CCT3: variants seen among roughly 807,000 people sequenced by gnomAD.
CCT3 encodes the protein chaperonin containing TCP1 subunit 3, also known as T-complex protein 1 subunit gamma.
In CCT3, 10 loss-of-function variants were observed where a neutral mutation model predicts 65.3. The ratio of observed to expected loss-of-function variants is 0.15; its 90% CI spans 0.09 to 0.26. The LOEUF is 0.26. Among genes scored for constraint, CCT3 ranks in the 10% least tolerant of loss-of-function variants. The pLI, the probability that CCT3 is intolerant of heterozygous loss-of-function variation, is 1.00. For missense variants in CCT3, 626 were observed against 708.7 expected (o/e 0.88, Z 1.33); for synonymous variants, 225 against 242.3 (o/e 0.93, Z 0.66).
intron 2 of CCT3, 103 bp downstream of exon 2, chr1:156,335,724 G>A: frequency 1.1e-6 from 1 of 870,670 alleles, no homozygotes; most frequent in Non-Finnish European, 1.8e-6. Flanking sequence ...CTGCCTATTT[G>A]CCTACTCTAT....
chr1:156,317,833 C>A (rs1161018980), intron 8 of CCT3, among the ~76,000 whole-genome samples: 1 of 151,916 alleles, frequency 6.6e-6, no homozygotes, highest in Non-Finnish European at 1.5e-5. Flanking sequence ...CTCAGCCTCC[C>A]GAGTAGCTGG....
chr1:156,325,015 G>C lies in CCT3; in HGVS notation c.379C>G (p.Arg127Gly). The C allele has an allele frequency of 6.2e-7, 1 of 1,613,544 alleles. No individual in the cohort carries two copies. Among genetic ancestry groups the C allele is most frequent in the South Asian group, 1.1e-5 (1 of 91,056 alleles). ...CTGATCATATCATCCAATGCCTTGC[G>C]GTAAGCACTGATCACCACTGTTGGG... ...MHPTVVISAY[R>G]KALDDMISTL... Residue 127 changes from arginine to glycine, a missense_variant, in exon 6 of 14, where the codon CGC becomes GGC. Transcript: ENST00000295688.
intron 10 of CCT3, 133 bp downstream of exon 10, chr1:156,317,033 G>A: frequency 1.3e-6 from 1 of 742,584 alleles, no homozygotes. Context: ...AAGAGGGCAG[G>A]CAGCTAAGCC....
At chr1:156,327,354 T>C (rs987199311) in intron 5 of CCT3, among the ~76,000 whole-genome samples, 6 of 152,126 alleles carry the variant, frequency 3.9e-5, no homozygotes, top group African/African-American at 7.2e-5. Flanking sequence ...GAAGCTGGAC[T>C]GTACTACTGC....
At chr1:156,318,602 T>C (rs11264471) in intron 8 of CCT3, among the ~76,000 whole-genome samples, 2,768 of 152,248 alleles carry the variant, frequency 0.018, 84 homozygotes, top group African/African-American at 0.063. Context: ...CATGATCGTA[T>C]AAAACAAGCC....
In CCT3 at chr1:156,318,967, A is replaced by C; in HGVS notation, c.660T>G (p.Ile220Met). Residue 220 changes from isoleucine (I) to methionine (M), a missense_variant, in exon 8 of 14, where the codon ATT (isoleucine) becomes ATG (methionine). By Grantham distance (10) the Ile-to-Met change is conservative. Transcript: ENST00000295688. ...EDSCVLRGVM[I>M]NKDVTHPRMR... ...TACGTGGATGGGTCACATCCTTGTT[A>C]ATCATGACTCCACGCAAGACACAGG... The C allele has an allele frequency of 1.2e-6, 2 of 1,614,088 alleles. No homozygotes were observed. Among genetic ancestry groups the C allele is most frequent in the African/African-American group, 1.3e-5 (1 of 75,052 alleles).
rs375892857 is a variant in CCT3, at chr1:156,338,178, C to T, written c.7G>A (p.Gly3Ser). MM[G>S]HRPVLVLSQN... is the part of the protein sequence containing the mutation. The stretch of plus-strand genomic sequence containing the variant: ...CTGAGCACGAGCACTGGACGATGGC[C>T]CATCATGGCGACGCGATGCAGAGCC... The change falls in exon 1 of 14, where the codon GGC becomes AGC. Residue 3 changes from glycine to serine, a missense_variant. Physicochemically the swap from Gly to Ser is moderately conservative, Grantham distance 56. Transcript: ENST00000295688. 1 of 1,588,728 alleles carries T rather than the reference C, an allele frequency of 6.3e-7. No homozygotes were observed. The highest frequency in any genetic ancestry group is 2.3e-5 in the East Asian group (1 of 44,066).
intron 2 of CCT3, chr1:156,335,371 C>T (rs35478936): frequency 0.21 from 38,990 of 181,622 alleles, 4,510 homozygotes; most frequent in Admixed American, 0.32. Flanking sequence ...GTCCTAATTA[C>T]TAGAAGTCCA....
chr1:156,323,951 T>C (rs1002486677), intron 6 of CCT3, among the ~76,000 whole-genome samples: 3 of 151,142 alleles, frequency 2.0e-5, no homozygotes, highest in African/African-American at 7.3e-5. Context: ...TTAGTAGAAA[T>C]GAGGTTTCAC....
chr1:156,314,104 A>AAC (rs1215649044), intron 10 of CCT3, among the ~76,000 whole-genome samples: 6 of 136,804 alleles, frequency 4.4e-5, no homozygotes, highest in Admixed American at 1.5e-4. Context: ...AAAAAAAAAA[A>AAC]GTCAACATTA....
In CCT3 at chr1:156,318,961, C is replaced by G; in HGVS notation, c.666G>C (p.Lys222Asn). 4 of 1,614,072 alleles carry G rather than the reference C, an allele frequency of 2.5e-6. No homozygotes were observed. Among genetic ancestry groups the G allele is most frequent in the Non-Finnish European group, 3.4e-6 (4 of 1,180,010 alleles). ...SCVLRGVMIN[K>N]DVTHPRMRRY... ...GCCGCATACGTGGATGGGTCACATC[C>G]TTGTTAATCATGACTCCACGCAAGA... The change falls in exon 8 of 14, where the codon AAG becomes AAC. Residue 222 changes from lysine (K) to asparagine (N), a missense_variant. Physicochemically the swap from Lys to Asn is moderately conservative, Grantham distance 94. Transcript: ENST00000295688.
At chr1:156,319,115 G>GTTT (rs371602601) in intron 7 of CCT3, 98 bp from the exon 8 acceptor site, 1,189 of 776,790 alleles carry the variant, frequency 1.5e-3, no homozygotes, top group Non-Finnish European at 1.8e-3. Flanking sequence ...AGTGTTTCAG[G>GTTT]TTTTTTTTTT....
chr1:156,334,911 G>T lies in CCT3; in HGVS notation c.101C>A (p.Ala34Glu). The T allele has an allele frequency of 6.2e-7, 1 of 1,613,942 alleles. No homozygotes were observed. Among genetic ancestry groups the T allele is most frequent in the Non-Finnish European group, 8.5e-7 (1 of 1,179,834 alleles). Residue 34 changes from alanine (A) to glutamate (E), a missense_variant, in exon 3 of 14, where the codon GCA becomes GAA. Ala to Glu is a moderately radical substitution (Grantham distance 107). Coordinates refer to ENST00000295688, the MANE Select transcript of CCT3 (RefSeq NM_005998.5). ...SGNINAAKTI[A>E]DIIRTCLGPK... ...TCCCAAACATGTTCGGATGATATCTGCAATAGTCTAATGGAAAGGGAACAT... is the reference window on the plus strand; with the variant it reads ...TCCCAAACATGTTCGGATGATATCTTCAATAGTCTAATGGAAAGGGAACAT...
intron 6 of CCT3, among the ~76,000 whole-genome samples, chr1:156,323,316 A>G: frequency 6.6e-6 from 1 of 150,820 alleles, no homozygotes; most frequent in Non-Finnish European, 1.5e-5. Context: ...CGTCTCAAGA[A>G]AAAAAAAAAA....
Position 156,335,841 on chromosome 1 carries a change from T to G in CCT3, c.79A>C (p.Ile27Leu), listed in dbSNP as rs747545680. The G allele has an allele frequency of 3.1e-6, 5 of 1,614,102 alleles. No homozygotes were observed. Among genetic ancestry groups the G allele is most frequent in the Non-Finnish European group, 4.2e-6 (5 of 1,179,960 alleles). Residue 27 changes from isoleucine to leucine, a missense_variant, in exon 2 of 14, where the codon ATC (isoleucine) becomes CTC (leucine). By Grantham distance (5) the Ile-to-Leu change is conservative (BLOSUM62 2). Coordinates refer to ENST00000295688, the MANE Select transcript of CCT3 (RefSeq NM_005998.5). ...ESGRKVQSGNINAAKTIADII... is the reference protein window; with the variant it reads ...ESGRKVQSGNLNAAKTIADII... ...AGATTTGTGACCTTGGCAGCATTGA[T>G]GTTTCCAGATTGAACTTTTCTTCCG...
At chr1:156,328,118 A>T (rs1437846662) in intron 5 of CCT3, among the ~76,000 whole-genome samples, 2 of 134,616 alleles carry the variant, frequency 1.5e-5, no homozygotes, top group Admixed American at 7.5e-5. Context: ...CCGGGAGGTG[A>T]GGGGCGCCTC....
At chr1:156,325,253 C>T (rs1203971290) in intron 5 of CCT3, among the ~76,000 whole-genome samples, 164 bp from the exon 6 acceptor site, 1 of 152,178 alleles carries the variant, frequency 6.6e-6, no homozygotes, top group African/African-American at 2.4e-5. Flanking sequence ...TATAAGACGG[C>T]AATTTATACA....
chr1:156,317,391 C>T (rs755124990), intron 9 of CCT3, 24 bp downstream of exon 9: 2 of 1,603,078 alleles, frequency 1.2e-6, no homozygotes, highest in South Asian at 2.2e-5. Context: ...CAAAGGTAGG[C>T]TGGAAAAAGT....
chr1:156,329,423 A>C (rs1665009906), intron 5 of CCT3, among the ~76,000 whole-genome samples: 1 of 149,228 alleles, frequency 6.7e-6, no homozygotes, highest in African/African-American at 2.5e-5. Context: ...CTCCTGACTC[A>C]GCCTCCCGAG....
Sources: gnomAD v4.1 joint callset for allele counts (sites outside exome capture counted in the v4.1 genomes callset) on GRCh38, gnomAD v4.1.1 for gene constraint, MANE v1.5 for transcripts, NCBI Gene and HGNC (gene_info 2026-07-23, HGNC 2026-07-21) for gene names.